RALYL: variants seen among roughly 807,000 people sequenced by gnomAD.
The protein encoded by RALYL is RALY RNA binding protein like.
RALYL carries 29 observed loss-of-function variants against 35.1 expected under a neutral mutation model. The ratio of observed to expected loss-of-function variants is 0.83; its 90% CI spans 0.61 to 1.13. The LOEUF (loss-of-function observed/expected upper bound fraction) is 1.13, where lower values mean the gene tolerates loss of function less well. Among genes scored for constraint, RALYL ranks in the 50% most tolerant of loss-of-function variants. RALYL has a pLI of 0.00. For synonymous variants in RALYL, 120 were observed against 127.6 expected, an observed-to-expected ratio of 0.94 and a Z score of 0.40; for missense variants, 359 against 360.4, an observed-to-expected ratio of 1.00 and a Z score of 0.03.
At chr8:84,568,356 G>A (rs549379121) in intron 2 of RALYL, among the ~76,000 whole-genome samples, 67 of 151,472 alleles carry the variant, frequency 4.4e-4, no homozygotes, top group African/African-American at 1.6e-3. Context: ...AGTTTCATCC[G>A]TGTCCCTACA....
rs1425408495 is a variant in RALYL at position 84,887,680 on chromosome 8, T to G, written c.762T>G (p.Ser254=). ...GTGTGTCAGAGATTGCAGATCACTC[T>G]ACAGAGGAGCCTGCTGAAGGAGGGC... ...EECVSEIADH[S]TEEPAEGGPD... The change falls in exon 8 of 9, where the codon TCT becomes TCG. Residue 254 remains serine (S), a synonymous_variant. Transcript: ENST00000521268. The G allele has an allele frequency of 6.2e-7, 1 of 1,613,660 alleles. No individual in the cohort carries two copies. Among genetic ancestry groups the G allele is most frequent in the East Asian group, 2.2e-5 (1 of 44,876 alleles).
chr8:84,665,268 C>A (rs746174042), intron 2 of RALYL, among the ~76,000 whole-genome samples: 22 of 151,648 alleles, frequency 1.5e-4, no homozygotes, highest in Non-Finnish European at 2.9e-4. Context: ...CAATATTGGC[C>A]TGAAGTTTTC....
intron 1 of RALYL, among the ~76,000 whole-genome samples, chr8:84,377,720 G>A (rs1159434327): frequency 6.6e-6 from 1 of 151,560 alleles, no homozygotes; most frequent in Non-Finnish European, 1.5e-5. Context: ...TAGGAACTAG[G>A]AAAATAGAGT....
intron 1 of RALYL, among the ~76,000 whole-genome samples, chr8:84,486,560 G>A (rs1203207947): frequency 6.6e-6 from 1 of 151,676 alleles, no homozygotes; most frequent in Non-Finnish European, 1.5e-5. Flanking sequence ...TTGGTCAGAG[G>A]ATACTTTTTA....
chr8:84,673,527 T>TA (rs1158137669), intron 2 of RALYL, among the ~76,000 whole-genome samples: 3 of 152,210 alleles, frequency 2.0e-5, no homozygotes, highest in Non-Finnish European at 4.4e-5. Context: ...ATTTTACATT[T>TA]AAAATCCATC....
intron 2 of RALYL, among the ~76,000 whole-genome samples, chr8:84,638,833 C>T (rs1825619909): frequency 7.2e-6 from 1 of 139,102 alleles, no homozygotes. Flanking sequence ...TGAGAAAAGA[C>T]ATCTATAACA....
rs867249304 is a variant in RALYL at position 84,390,163 on chromosome 8, G to T, written c.-23-139136G>T. On this transcript the variant is annotated intron_variant, in intron 1 of 8. Transcript: ENST00000521268. The stretch of plus-strand genomic sequence containing the variant: ...TTACATTTATTGATTTGCATATATT[G>T]AACCAGCCTTGCATCCCTGGGATGA... 8.9e-3 allele frequency among the ~76,000 whole-genome samples: 1,349 copies of T among 152,104 alleles called. 30 individuals carry two copies. The highest frequency in any genetic ancestry group is 0.03 in the African/African-American group (1,263 of 41,478).
At chr8:84,525,958 T>C (rs1351256789) in intron 1 of RALYL, among the ~76,000 whole-genome samples, 38 of 47,462 alleles carry the variant, frequency 8.0e-4, no homozygotes, top group Admixed American at 6.5e-4. Context: ...TTTTTCTTTT[T>C]TTTTTTTTTT....
intron 2 of RALYL, among the ~76,000 whole-genome samples, chr8:84,580,867 T>C (rs1458535602): frequency 2.1e-5 from 3 of 144,150 alleles, no homozygotes; most frequent in Admixed American, 2.0e-4. Context: ...AGAGGTGACA[T>C]GTTTCTGCTC....
intron 4 of RALYL, among the ~76,000 whole-genome samples, chr8:84,817,819 T>A (rs916564640): frequency 2.6e-5 from 4 of 152,018 alleles, no homozygotes; most frequent in African/African-American, 9.7e-5. Flanking sequence ...CCTCCAAAAG[T>A]GCTGGGATTA....
intron 2 of RALYL, among the ~76,000 whole-genome samples, chr8:84,753,532 T>C (rs1810585374): frequency 6.6e-6 from 1 of 152,162 alleles, no homozygotes; most frequent in Non-Finnish European, 1.5e-5. Context: ...CGAAATGTAA[T>C]TCCCAGTGTT....
intron 1 of RALYL, among the ~76,000 whole-genome samples, chr8:84,498,361 T>A (rs2056311838): frequency 6.6e-6 from 1 of 152,098 alleles, no homozygotes; most frequent in Admixed American, 6.6e-5. Context: ...ATCAAGTCTT[T>A]TTTATATTCA....
chr8:84,758,141 G>C (rs1378920054), intron 2 of RALYL, among the ~76,000 whole-genome samples: 1 of 152,104 alleles, frequency 6.6e-6, no homozygotes, highest in Non-Finnish European at 1.5e-5. Context: ...CCAAATAAAA[G>C]CTGACTAAAT....
intron 2 of RALYL, 116 bp downstream of exon 2, chr8:84,529,693 AT>A: frequency 1.4e-6 from 1 of 731,624 alleles, no homozygotes; most frequent in Non-Finnish European, 2.1e-6. Context: ...AATTAGAGTG[AT>A]TTTATATTTA....
At chr8:84,591,480 G>A (rs1159840972) in intron 2 of RALYL, among the ~76,000 whole-genome samples, 1 of 152,166 alleles carries the variant, frequency 6.6e-6, no homozygotes, top group African/African-American at 2.4e-5. Flanking sequence ...CATTACAGAA[G>A]ATAAACCTAA....
intron 1 of RALYL, among the ~76,000 whole-genome samples, chr8:84,307,599 G>A (rs1842063767): frequency 6.6e-6 from 1 of 152,100 alleles, no homozygotes; most frequent in Non-Finnish European, 1.5e-5. Context: ...ATTTACTCAA[G>A]GCCAGAAGGA....
At chr8:84,469,215 C>T (rs1016547936) in intron 1 of RALYL, among the ~76,000 whole-genome samples, 1 of 152,182 alleles carries the variant, frequency 6.6e-6, no homozygotes, top group African/African-American at 2.4e-5. Context: ...GGAGGAGAGG[C>T]TCTCTGCTTT....
chr8:84,352,640 G>A (rs1205837300), intron 1 of RALYL, among the ~76,000 whole-genome samples: 1 of 150,320 alleles, frequency 6.7e-6, no homozygotes, highest in East Asian at 1.9e-4. Context: ...TGAAATGGAA[G>A]GGGAACTGAG....
intron 2 of RALYL, among the ~76,000 whole-genome samples, chr8:84,721,676 A>C (rs184021782): frequency 6.6e-6 from 1 of 151,914 alleles, no homozygotes; most frequent in Non-Finnish European, 1.5e-5. Flanking sequence ...CTCAGTGAAT[A>C]TTTTTTTTAA....
Sources: allele counts gnomAD v4.1 joint callset (sites outside exome capture counted in the v4.1 genomes callset), GRCh38; gene constraint gnomAD v4.1.1; transcripts MANE v1.5; gene names NCBI Gene and HGNC (gene_info 2026-07-23, HGNC 2026-07-21).